Variants in RILPL1 observed in about 807,000 individuals in gnomAD.
The protein encoded by RILPL1 is RILP-like protein 1.
In RILPL1, 33 loss-of-function variants were observed where a neutral mutation model predicts 50.3. The ratio of observed to expected loss-of-function variants is 0.66; its 90% CI spans 0.50 to 0.88. The LOEUF (loss-of-function observed/expected upper bound fraction) is 0.88, where lower values mean the gene tolerates loss of function less well. RILPL1 is among the 40% of genes least tolerant of loss of function. RILPL1 has a pLI of 0.00. For synonymous variants in RILPL1, 205 were observed against 228.6 expected, an observed-to-expected ratio of 0.90 and a Z score of 0.93; for missense variants, 418 against 542.5, an observed-to-expected ratio of 0.77 and a Z score of 2.28.
Position 123,489,511 on chromosome 12 carries a change from A to C in RILPL1, c.802-3706T>G, listed in dbSNP as rs1882550838. On this transcript the variant is annotated intron_variant, in intron 4 of 6. Coordinates refer to ENST00000376874, the MANE Select transcript of RILPL1 (RefSeq NM_178314.5). This position sits in a 1 kb window ranked among gnomAD's most constrained non-coding sequence, Gnocchi z 4.0. ...AACCCCGTCTCTACTAAAAAACACA[A>C]AAATTAGTCAGGCATGGTGGTGGGC... Among the ~76,000 whole-genome samples, 1 of 151,706 alleles carries C rather than the reference A, an allele frequency of 6.6e-6. No individual in the cohort carries two copies. The highest frequency in any genetic ancestry group is 1.5e-5 in the Non-Finnish European group (1 of 67,946).
intron 4 of RILPL1, among the ~76,000 whole-genome samples, chr12:123,488,084 C>T (rs1368372504): frequency 6.6e-6 from 1 of 152,034 alleles, no homozygotes; most frequent in Non-Finnish European, 1.5e-5. Flanking sequence ...GTCAGGACAG[C>T]AGTGAAAAAG....
chr12:123,518,367 C>A (rs141716858), intron 2 of RILPL1: 5 of 421,506 alleles, frequency 1.2e-5, no homozygotes, highest in African/African-American at 8.4e-5. Context: ...CTTAGCCAGG[C>A]GTGGTGGTGC....
chr12:123,487,166 T>C (rs1882397599), intron 4 of RILPL1, among the ~76,000 whole-genome samples: 1 of 152,220 alleles, frequency 6.6e-6, no homozygotes, highest in Non-Finnish European at 1.5e-5. Context: ...AATGCCAATG[T>C]AGTTTCTGTC....
At chr12:123,508,766 G>A (rs931764352) in intron 2 of RILPL1, among the ~76,000 whole-genome samples, 1 of 152,020 alleles carries the variant, frequency 6.6e-6, no homozygotes, top group Non-Finnish European at 1.5e-5. Flanking sequence ...CACTTTGGGA[G>A]GACAAGGTAG....
chr12:123,475,897 A>ATTTTTTTTT (rs375190049), intron 6 of RILPL1: 1 of 344,154 alleles, frequency 2.9e-6, no homozygotes, highest in Non-Finnish European at 5.2e-6. Flanking sequence ...TTCACTTAAA[A>ATTTTTTTTT]TTTTTTTTTT....
At chr12:123,512,330 CTG>C (rs1884363651) in intron 2 of RILPL1, among the ~76,000 whole-genome samples, 1 of 87,040 alleles carries the variant, frequency 1.1e-5, no homozygotes, top group Non-Finnish European at 2.2e-5. Context: ...TGTGAGGTCT[CTG>C]TGTGGTGTGT....
Position 123,485,606 on chromosome 12 carries a change from G to T in RILPL1, c.974+27C>A. 6.2e-7 allele frequency: 1 copy of T among 1,608,498 alleles called. No homozygotes were observed. Among genetic ancestry groups the T allele is most frequent in the South Asian group, 1.1e-5 (1 of 90,514 alleles). On this transcript the variant is annotated intron_variant, in intron 5 of 6. Coordinates refer to ENST00000376874, the MANE Select transcript of RILPL1 (RefSeq NM_178314.5). The surrounding 1 kb of genome is among the most constrained non-coding windows in gnomAD (Gnocchi z 4.0). ...GCTAACCTCAGTAAGGAGCCAGCTC[G>T]GGCCATCCAGCCCCAGGGACACTTG... is the stretch of plus-strand genomic sequence containing the variant.
intron 6 of RILPL1, among the ~76,000 whole-genome samples, chr12:123,481,846 C>T (rs984098275): frequency 6.7e-5 from 10 of 150,254 alleles, no homozygotes; most frequent in African/African-American, 9.8e-5. Context: ...CCTGAGCCAC[C>T]GAGCCCAGCC....
In RILPL1 at chr12:123,484,132, T is replaced by C. The variant is rs372808993; in HGVS notation, c.1067+48A>G. 2.7e-5 allele frequency: 34 copies of C among 1,273,614 alleles called. No individual in the cohort carries two copies. The African/African-American group carries it at 3.1e-4, about 12-fold the overall frequency. 78.9% of individuals were successfully genotyped at this position (1,273,614 alleles called of 1,614,324 possible). A position where few individuals can be genotyped will look rare whatever the true frequency, so the allele number is the denominator to read the frequency against. ...CAAGGAGGAAAAGTCAAAGGACACGTGAACCGCCAGGTCAGCCGAGCGCAG... is the reference window on the plus strand; with the variant it reads ...CAAGGAGGAAAAGTCAAAGGACACGCGAACCGCCAGGTCAGCCGAGCGCAG... On this transcript the variant is annotated intron_variant, in intron 6 of 6. Coordinates refer to ENST00000376874, the MANE Select transcript of RILPL1 (RefSeq NM_178314.5).
Position 123,522,688 on chromosome 12 carries a change from G to A in RILPL1, c.460+807C>T, listed in dbSNP as rs1317534993. 6.6e-6 allele frequency among the ~76,000 whole-genome samples: 1 copy of A among 152,000 alleles called. No homozygotes were observed. The highest frequency in any genetic ancestry group is 1.5e-5 in the Non-Finnish European group (1 of 67,998). The stretch of plus-strand genomic sequence containing the variant: ...AGCTCACTGTGGCCTCGACCTCCTG[G>A]GCTCAAGTGATCCTCCCGCCTCAGC... On this transcript the variant is annotated intron_variant, in intron 2 of 6. Coordinates refer to ENST00000376874, the MANE Select transcript of RILPL1 (RefSeq NM_178314.5). The surrounding 1 kb of genome is among the most constrained non-coding windows in gnomAD (Gnocchi z 4.0).
chr12:123,524,314 G>A (rs1175002838), intron 1 of RILPL1, among the ~76,000 whole-genome samples: 4 of 152,192 alleles, frequency 2.6e-5, no homozygotes, highest in Non-Finnish European at 5.9e-5. Context: ...GGAAGAAACT[G>A]GAACCCTCCT....
rs182526452 is a variant in RILPL1 at position 123,498,634 on chromosome 12, C to T, written c.711G>A (p.Glu237=). ...CTGCTCGCAGGCTGCCCATCTCCTG[C>T]TCCTTGGTCTGCAGGTCTGCCTCCA... ...VELEADLQTK[E]QEMGSLRAEL... Residue 237 remains glutamate, a synonymous_variant, in exon 4 of 7, where the codon GAG becomes GAA. Coordinates refer to ENST00000376874, the MANE Select transcript of RILPL1 (RefSeq NM_178314.5). This position sits in a 1 kb window ranked among gnomAD's most constrained non-coding sequence, Gnocchi z 4.3. The T allele has an allele frequency of 2.4e-4, 391 of 1,613,836 alleles. 3 individuals are homozygous for T. The African/African-American group carries it at 3.5e-3, about 14-fold the overall frequency.
intron 2 of RILPL1, among the ~76,000 whole-genome samples, chr12:123,514,701 C>T (rs185560120): frequency 1.4e-4 from 22 of 152,210 alleles, no homozygotes; most frequent in African/African-American, 5.1e-4. Flanking sequence ...GCTGCAATTA[C>T]AGGTGTGAGC....
chr12:123,529,873 C>CA (rs35014721), intron 1 of RILPL1, among the ~76,000 whole-genome samples: 24,459 of 129,742 alleles, frequency 0.19, 2,478 homozygotes, highest in Middle Eastern at 0.25. Flanking sequence ...GTCCCTGACT[C>CA]AAAAAAAAAA....
In RILPL1 at chr12:123,472,236, TTG is replaced by T. The variant is rs1318624936; in HGVS notation, c.*300_*301del. The stretch of plus-strand genomic sequence containing the variant: ...AGTGATGTATTTGGCTTAAAGAAGC[TTG>T]TGTTACTGAAGTTAACGCAGAAGTC... On this transcript the variant is annotated 3_prime_UTR_variant, in exon 7 of 7. Transcript: ENST00000376874. 3.1e-6 allele frequency: 1 copy of T among 322,450 alleles called. No homozygotes were observed. Among genetic ancestry groups the T allele is most frequent in the Non-Finnish European group, 5.8e-6 (1 of 173,728 alleles). The allele number at this position is 322,450 out of a possible 1,614,324, so 20.0% of individuals were successfully genotyped here.
At chr12:123,475,825 A>T (rs1881552915) in intron 6 of RILPL1, 1 of 863,100 alleles carries the variant, frequency 1.2e-6, no homozygotes, top group Admixed American at 2.0e-5. Flanking sequence ...CTCCACAGAC[A>T]CCAGTGGAAG....
chr12:123,495,096 G>A (rs934435979), intron 4 of RILPL1, among the ~76,000 whole-genome samples: 3 of 152,120 alleles, frequency 2.0e-5, no homozygotes, highest in Admixed American at 1.3e-4. Context: ...TAGTTGTTTC[G>A]GTGATAGGCC....
intron 2 of RILPL1, among the ~76,000 whole-genome samples, chr12:123,520,209 G>A (rs1566142964): frequency 6.6e-6 from 1 of 152,226 alleles, no homozygotes; most frequent in African/African-American, 2.4e-5. Context: ...ATAGATGAGT[G>A]GGCAAACGAC....
chr12:123,515,729 T>C (rs1884649515), intron 2 of RILPL1, among the ~76,000 whole-genome samples: 1 of 149,774 alleles, frequency 6.7e-6, no homozygotes, highest in African/African-American at 2.4e-5. Flanking sequence ...GGATTACAGG[T>C]GTGAGCCACC....
Sources: gnomAD v4.1 joint callset for allele counts (sites outside exome capture counted in the v4.1 genomes callset) on GRCh38, gnomAD v4.1.1 for gene constraint, Gnocchi (gnomAD v3.1) non-coding constraint, MANE v1.5 for transcripts, NCBI Gene and HGNC (gene_info 2026-07-23, HGNC 2026-07-21) for gene names.